Variants in COPS2 observed in about 807,000 individuals in gnomAD.
COPS2 encodes COP9 signalosome complex subunit 2.
Under a neutral mutation model 66.1 loss-of-function variants are expected in COPS2, and 10 were observed. The observed-to-expected ratio is 0.15, with a 90% CI of 0.09 to 0.26. The LOEUF (loss-of-function observed/expected upper bound fraction) is 0.26. Ranked by LOEUF, COPS2 falls within the 10% of genes least tolerant of loss-of-function variation. The pLI is 1.00. For missense variants in COPS2, 215 were observed against 513.3 expected, an observed-to-expected ratio of 0.42 and a Z score of 5.62; for synonymous variants, 179 against 171.3, an observed-to-expected ratio of 1.04 and a Z score of -0.35.
In COPS2 at chr15:49,130,829, CA is replaced by C. The variant is rs745984267; in HGVS notation, c.948-14del. ...ATTCTGATAGGCACTAATAGAAAAACAAAGTGTAAATTATGTCAAACATGAA... is the reference window on the plus strand; with the variant it reads ...ATTCTGATAGGCACTAATAGAAAAACAAGTGTAAATTATGTCAAACATGAA... On this transcript the variant is annotated splice_polypyrimidine_tract_variant and intron_variant, in intron 9 of 12. Coordinates refer to ENST00000388901, the MANE Select transcript of COPS2 (RefSeq NM_004236.4). The C allele has an allele frequency of 6.5e-6, 9 of 1,389,278 alleles. No individual in the cohort carries two copies. Among genetic ancestry groups the C allele is most frequent in the Non-Finnish European group, 9.2e-6 (9 of 979,662 alleles). The allele number at this position is 1,389,278 out of a possible 1,614,324, so 86.1% of individuals were successfully genotyped here.
At chr15:49,142,608 C>T (rs2084296224) in intron 3 of COPS2, among the ~76,000 whole-genome samples, 2 of 152,224 alleles carry the variant, frequency 1.3e-5, no homozygotes, top group South Asian at 4.1e-4. Flanking sequence ...ACTCCCTGCT[C>T]ATCTGAGCTT....
intron 3 of COPS2, among the ~76,000 whole-genome samples, chr15:49,142,594 C>T (rs779852869): frequency 6.6e-6 from 1 of 152,216 alleles, no homozygotes; most frequent in African/African-American, 2.4e-5. Flanking sequence ...CTTCCAACTG[C>T]TTCACTCCCT....
intron 1 of COPS2, among the ~76,000 whole-genome samples, chr15:49,147,612 C>T (rs1180791411): frequency 6.6e-6 from 1 of 150,964 alleles, no homozygotes; most frequent in African/African-American, 2.4e-5. Context: ...TCATATGTCA[C>T]ACAGTGTCTT....
At chr15:49,142,189 G>T (rs528024774) in intron 3 of COPS2, among the ~76,000 whole-genome samples, 8 of 152,190 alleles carry the variant, frequency 5.3e-5, no homozygotes, top group Non-Finnish European at 1.2e-4. Flanking sequence ...AAAGCAGTAG[G>T]AGTAGAAAGG....
At chr15:49,131,911 A>G (rs531452788) in intron 9 of COPS2, among the ~76,000 whole-genome samples, 1 of 152,290 alleles carries the variant, frequency 6.6e-6, no homozygotes, top group African/African-American at 2.4e-5. Flanking sequence ...TTACCATTAA[A>G]ATAAGTTTTG....
At chr15:49,134,593 C>A in intron 6 of COPS2, 79 bp from the exon 7 acceptor site, 1 of 1,119,452 alleles carries the variant, frequency 8.9e-7, no homozygotes, top group Non-Finnish European at 1.3e-6. Flanking sequence ...GGAAATCTTA[C>A]ATTTATAATA....
chr15:49,149,228 C>G (rs568170963), intron 1 of COPS2, among the ~76,000 whole-genome samples: 1 of 152,316 alleles, frequency 6.6e-6, no homozygotes, highest in East Asian at 1.9e-4. Context: ...CAACCAAAAT[C>G]TACTCTTTCT....
In COPS2 at chr15:49,127,806, C is replaced by T. The variant is rs2084178757; in HGVS notation, c.*144G>A. 2.4e-6 allele frequency: 2 copies of T among 827,242 alleles called. No individual in the cohort carries two copies. The highest frequency in any genetic ancestry group is 5.9e-5 in the Admixed American group (2 of 33,654). The allele number at this position is 827,242 out of a possible 1,614,324, so 51.2% of individuals were successfully genotyped here. ...ATAAATGCAGCAGCAAAACACAAACCAGTTGATCAAAAAAGCACTTCTGCC... is the reference window on the plus strand; with the variant it reads ...ATAAATGCAGCAGCAAAACACAAACTAGTTGATCAAAAAAGCACTTCTGCC... On this transcript the variant is annotated 3_prime_UTR_variant, in exon 13 of 13. Coordinates refer to ENST00000388901, the MANE Select transcript of COPS2 (RefSeq NM_004236.4).
rs1045276312 is a variant in COPS2, at chr15:49,127,071, T to C, written c.*879A>G. 1 of 152,104 alleles carries C rather than the reference T, an allele frequency of 6.6e-6. No homozygotes were observed. The highest frequency in any genetic ancestry group is 1.5e-5 in the Non-Finnish European group (1 of 67,982). 9.4% of individuals were successfully genotyped at this position (152,104 alleles called of 1,614,324 possible). On this transcript the variant is annotated 3_prime_UTR_variant, in exon 13 of 13. Coordinates refer to ENST00000388901, the MANE Select transcript of COPS2 (RefSeq NM_004236.4). ...CGTTTAAAGTGAACATTCTGAGAGT[T>C]AGTATTCTTTTGAAAAGGAATATCA...
rs77933182 is a variant in COPS2 at position 49,155,590 on chromosome 15, G to C, written c.-12C>G. On this transcript the variant is annotated 5_prime_UTR_variant, in exon 1 of 13. Transcript: ENST00000388901. ...TCCATGTCAGACATCTTGGCCGGGA[G>C]GGGGAGGAGAAATTGGAGACAACCT... 11 of 1,613,740 alleles carry C rather than the reference G, an allele frequency of 6.8e-6. No individual in the cohort carries two copies. The highest frequency in any genetic ancestry group is 1.3e-5 in the African/African-American group (1 of 74,920).
At position 49,139,539 on chromosome 15, in the gene COPS2, T is replaced by G; in HGVS notation, c.361A>C (p.Thr121Pro). The change falls in exon 4 of 13, where the codon ACT becomes CCT. Residue 121 changes from threonine (T) to proline (P), a missense_variant. Around this residue, in one of 5 missense-constraint regions of COPS2, gnomAD observed 90 missense variants for 225.1 expected, o/e 0.40. Coordinates refer to ENST00000388901, the MANE Select transcript of COPS2 (RefSeq NM_004236.4). ...SINSILDYISTSKQMDLLQEF... is the reference protein window; with the variant it reads ...SINSILDYISPSKQMDLLQEF... ...AAATTGAGTCTAACCTGTTTAGAAGTAGAGATATAATCAAGAATAGAATTA... is the reference window on the plus strand; with the variant it reads ...AAATTGAGTCTAACCTGTTTAGAAGGAGAGATATAATCAAGAATAGAATTA... 1 of 1,595,774 alleles carries G rather than the reference T, an allele frequency of 6.3e-7. No individual in the cohort carries two copies. The highest frequency in any genetic ancestry group is 8.6e-7 in the Non-Finnish European group (1 of 1,165,286).
intron 1 of COPS2, among the ~76,000 whole-genome samples, chr15:49,152,210 A>G (rs1347121834): frequency 4.0e-5 from 6 of 151,652 alleles, no homozygotes; most frequent in African/African-American, 1.4e-4. Flanking sequence ...CAAAATAACT[A>G]TTTTAAAAAA....
intron 1 of COPS2, among the ~76,000 whole-genome samples, chr15:49,148,028 T>C (rs2084333394): frequency 6.6e-6 from 1 of 152,196 alleles, no homozygotes; most frequent in Admixed American, 6.5e-5. Context: ...TAACCCATCA[T>C]TTGCACCCCA....
intron 1 of COPS2, among the ~76,000 whole-genome samples, chr15:49,152,142 A>T (rs2084366774): frequency 6.6e-6 from 1 of 151,500 alleles, no homozygotes; most frequent in African/African-American, 2.4e-5. Flanking sequence ...AAAACAAGTC[A>T]ATTACGCACA....
At chr15:49,132,988 A>ATTT (rs35969483) in intron 9 of COPS2, among the ~76,000 whole-genome samples, 8 of 130,900 alleles carry the variant, frequency 6.1e-5, no homozygotes, top group South Asian at 2.5e-4. Context: ...CATTGTAAAC[A>ATTT]TTTTTTTTTT....
At chr15:49,146,092 G>C (rs1490066216) in intron 1 of COPS2, among the ~76,000 whole-genome samples, 4 of 152,108 alleles carry the variant, frequency 2.6e-5, no homozygotes, top group Non-Finnish European at 1.5e-5. Flanking sequence ...TAAAAGCATA[G>C]GAGTGAAGAA....
chr15:49,154,993 T>C lies in COPS2; in HGVS notation c.54+532A>G, dbSNP rs543558427. On this transcript the variant is annotated intron_variant, in intron 1 of 12. Transcript: ENST00000388901. ...CTACACACTTACCTCGGACCAAAAC[T>C]GGCCCTGGCAAGACTATTTAAGCTA... Among the ~76,000 whole-genome samples the C allele has an allele frequency of 5.9e-5, 9 of 152,342 alleles. No homozygotes were observed. The East Asian group carries it at 1.4e-3, about 23-fold the overall frequency.
chr15:49,128,269 C>T (rs575575482), intron 12 of COPS2, among the ~76,000 whole-genome samples, 175 bp from the exon 13 acceptor site: 18 of 152,188 alleles, frequency 1.2e-4, no homozygotes, highest in African/African-American at 4.1e-4. Flanking sequence ...TAGATAGAAA[C>T]CAGATTTCAG....
rs1241800203 is a variant in COPS2, at chr15:49,125,406, T to C, written c.*2544A>G. The C allele has an allele frequency of 6.6e-6, 1 of 152,120 alleles. No individual in the cohort carries two copies. The highest frequency in any genetic ancestry group is 1.5e-5 in the Non-Finnish European group (1 of 67,960). The allele number at this position is 152,120 out of a possible 1,614,324, so 9.4% of individuals were successfully genotyped here. On this transcript the variant is annotated 3_prime_UTR_variant, in exon 13 of 13. Coordinates refer to ENST00000388901, the MANE Select transcript of COPS2 (RefSeq NM_004236.4). ...AGATTTCTTTGCAGTAACTTTTAGC[T>C]AGGTTTAGGGATAAAAAGAAGAATG...
Sources: gnomAD v4.1 joint callset for allele counts (sites outside exome capture counted in the v4.1 genomes callset) on GRCh38, gnomAD v4.1.1 for gene constraint, gnomAD v4.1.1 regional missense constraint, MANE v1.5 for transcripts, NCBI Gene and HGNC (gene_info 2026-07-23, HGNC 2026-07-21) for gene names.